ABHD2: variants seen among roughly 807,000 people sequenced by gnomAD.
The protein encoded by ABHD2 is monoacylglycerol lipase ABHD2.
In ABHD2, 20 loss-of-function variants were observed where a neutral mutation model predicts 48.1. The ratio of observed to expected loss-of-function variants is 0.42; its 90% CI spans 0.29 to 0.60. The LOEUF is 0.60. ABHD2 is among the 20% of genes least tolerant of loss of function. The probability of loss-of-function intolerance (pLI) is 0.24; values close to 1 mark genes in which losing one functional copy is unlikely to be tolerated. For synonymous variants in ABHD2, 209 were observed against 214.2 expected, an observed-to-expected ratio of 0.98 and a Z score of 0.21; for missense variants, 405 against 550.9, an observed-to-expected ratio of 0.74 and a Z score of 2.65.
intron 3 of ABHD2, among the ~76,000 whole-genome samples, chr15:89,150,920 T>C (rs572989989): frequency 6.6e-6 from 1 of 152,336 alleles, no homozygotes; most frequent in East Asian, 1.9e-4. Flanking sequence ...CATTTCTTAG[T>C]TGTAACTTGG....
chr15:89,159,464 C>G (rs1323283804), intron 5 of ABHD2, among the ~76,000 whole-genome samples: 1 of 152,180 alleles, frequency 6.6e-6, no homozygotes, highest in Non-Finnish European at 1.5e-5. Context: ...AGAAACCAGC[C>G]TCGATCTATG....
At chr15:89,080,774 A>G in the ABHD2 span, among the ~76,000 whole-genome samples, 1 of 150,480 alleles carries the variant, frequency 6.6e-6, no homozygotes, top group Non-Finnish European at 1.5e-5. Flanking sequence ...AACTCATTGC[A>G]GCCTCTCACT....
At chr15:89,172,843 G>A (rs1352498253) in intron 5 of ABHD2, among the ~76,000 whole-genome samples, 1 of 152,224 alleles carries the variant, frequency 6.6e-6, no homozygotes, top group Non-Finnish European at 1.5e-5. Flanking sequence ...TGTCTGGGCT[G>A]TTTGTTGAAA....
the ABHD2 span, among the ~76,000 whole-genome samples, chr15:89,054,561 G>C: frequency 2.0e-5 from 3 of 152,050 alleles, no homozygotes; most frequent in East Asian, 5.8e-4. Flanking sequence ...CACGCCTGTA[G>C]TCCCAGCTAC....
chr15:89,136,316 G>T, intron 3 of ABHD2: 2 of 466,598 alleles, frequency 4.3e-6, no homozygotes, highest in Non-Finnish European at 4.2e-6. Flanking sequence ...CCATATCTTC[G>T]AATTTTCCTT....
At chr15:89,131,134 A>G (rs566316418) in intron 3 of ABHD2, among the ~76,000 whole-genome samples, 13 of 152,172 alleles carry the variant, frequency 8.5e-5, no homozygotes, top group African/African-American at 2.9e-4. Flanking sequence ...CTAAAGCACA[A>G]ATTCATCATG....
rs543591748 is a variant in ABHD2, at chr15:89,149,028, T to G, written c.195-2649T>G. Among the ~76,000 whole-genome samples, 4 of 152,316 alleles carry G rather than the reference T, an allele frequency of 2.6e-5. No individual in the cohort carries two copies. In the South Asian group the frequency reaches 6.2e-4, roughly 24 times the overall value. On this transcript the variant is annotated intron_variant, in intron 3 of 10. Coordinates refer to ENST00000352732, the MANE Select transcript of ABHD2 (RefSeq NM_152924.5). The stretch of plus-strand genomic sequence containing the variant: ...AACAACTACACATTGAACCCCACCA[T>G]AGTAAATGCAGTCTAAAAATTCAAT...
chr15:89,116,360 A>G lies in ABHD2; in HGVS notation c.33A>G (p.Pro11=). The G allele has an allele frequency of 6.2e-7, 1 of 1,614,184 alleles. No homozygotes were observed. The highest frequency in any genetic ancestry group is 8.5e-7 in the Non-Finnish European group (1 of 1,180,004). ...CCATGCTGGAGACTCCCGAACTCCC[A>G]GCCGTGTTTGATGGAGTGAAGCTGG... MNAMLETPEL[P]AVFDGVKLAA... is the part of the protein sequence containing the mutation. Residue 11 remains proline (P), a synonymous_variant, in exon 3 of 11, where the codon CCA becomes CCG. Coordinates refer to ENST00000352732, the MANE Select transcript of ABHD2 (RefSeq NM_152924.5). The surrounding 1 kb of genome is among the most constrained non-coding windows in gnomAD (Gnocchi z 4.6).
At position 89,189,907 on chromosome 15, in the gene ABHD2, G is replaced by T. The variant is rs1322473249; in HGVS notation, c.927-1173G>T. 6.6e-6 allele frequency among the ~76,000 whole-genome samples: 1 copy of T among 152,108 alleles called. No homozygotes were observed. Among genetic ancestry groups the T allele is most frequent in the Non-Finnish European group, 1.5e-5 (1 of 68,014 alleles). On this transcript the variant is annotated intron_variant, in intron 8 of 10. Transcript: ENST00000352732. This position sits in a 1 kb window ranked among gnomAD's most constrained non-coding sequence, Gnocchi z 4.9. Reference sequence around the variant, plus strand: ...TAGCGTTGGAAAATAGCAGTTTTATGATCATAACCAGTCTTGGTGGCTTCC... The same window carrying T: ...TAGCGTTGGAAAATAGCAGTTTTATTATCATAACCAGTCTTGGTGGCTTCC...
chr15:89,193,256 G>T lies in ABHD2; in HGVS notation c.1018G>T (p.Val340Phe). 1 of 1,614,172 alleles carries T rather than the reference G, an allele frequency of 6.2e-7. No individual in the cohort carries two copies. Among genetic ancestry groups the T allele is most frequent in the Non-Finnish European group, 8.5e-7 (1 of 1,180,030 alleles). Residue 340 changes from valine to phenylalanine, a missense_variant, in exon 10 of 11, where the codon GTT becomes TTT. Physicochemically the swap from Val to Phe is conservative, Grantham distance 50. Coordinates refer to ENST00000352732, the MANE Select transcript of ABHD2 (RefSeq NM_152924.5). The stretch of plus-strand genomic sequence containing the variant: ...GCAGATTTATGTTCCTCTCATGCTG[G>T]TTAATGCAGCTGACGATCCGTTGGT... Reference protein sequence around the residue: ...LHRIYVPLMLVNAADDPLVHE... With the variant: ...LHRIYVPLMLFNAADDPLVHE...
chr15:89,136,966 G>A (rs762948868), intron 3 of ABHD2, among the ~76,000 whole-genome samples: 23 of 152,312 alleles, frequency 1.5e-4, no homozygotes, highest in South Asian at 2.1e-4. Flanking sequence ...TGTTCTGAGC[G>A]TCAGCGTACA....
intron 3 of ABHD2, among the ~76,000 whole-genome samples, chr15:89,142,829 G>A (rs892009232): frequency 8.5e-5 from 13 of 152,064 alleles, no homozygotes; most frequent in South Asian, 4.2e-4. Context: ...ATGCAGGAAC[G>A]GAATACCAGT....
At position 89,137,198 on chromosome 15, in the gene ABHD2, C is replaced by G. The variant is rs2050329221; in HGVS notation, c.195-14479C>G. ...TGCCTCCCTACTTAAAGCATGGTGT[C>G]AAAACCAGGTTGAAATGCAACGTGA... On this transcript the variant is annotated intron_variant, in intron 3 of 10. Transcript: ENST00000352732. This position sits in a 1 kb window ranked among gnomAD's most constrained non-coding sequence, Gnocchi z 4.8. Among the ~76,000 whole-genome samples the G allele has an allele frequency of 6.6e-6, 1 of 152,088 alleles. No homozygotes were observed. Among genetic ancestry groups the G allele is most frequent in the Non-Finnish European group, 1.5e-5 (1 of 68,004 alleles).
chr15:89,080,985 T>G, the ABHD2 span, among the ~76,000 whole-genome samples: 1 of 130,082 alleles, frequency 7.7e-6, no homozygotes, highest in Non-Finnish European at 1.6e-5. Context: ...GTGTCAGAAT[T>G]GTCAGAATTT....
Position 89,194,779 on chromosome 15 carries a change from T to G in ABHD2, c.1082-448T>G, listed in dbSNP as rs191408232. Among the ~76,000 whole-genome samples the G allele has an allele frequency of 2.0e-5, 3 of 152,310 alleles. No individual in the cohort carries two copies. The East Asian group carries it at 5.8e-4, about 29-fold the overall frequency. ...TTTAATAAGATATCCTAAGTGATTT[T>G]GATGCACAAAGTTAGGAAACACATT... On this transcript the variant is annotated intron_variant, in intron 10 of 10. Coordinates refer to ENST00000352732, the MANE Select transcript of ABHD2 (RefSeq NM_152924.5).
chr15:89,175,505 C>T lies in ABHD2; in HGVS notation c.539-307C>T, dbSNP rs1467179170. 6.6e-6 allele frequency among the ~76,000 whole-genome samples: 1 copy of T among 152,156 alleles called. No individual in the cohort carries two copies. The highest frequency in any genetic ancestry group is 1.5e-5 in the Non-Finnish European group (1 of 68,036). ...TTTGATATCCATGATTATCTAGACA[C>T]GGTTCTTGTGACCTACCTTTTAAGA... On this transcript the variant is annotated intron_variant, in intron 5 of 10. Coordinates refer to ENST00000352732, the MANE Select transcript of ABHD2 (RefSeq NM_152924.5). The surrounding 1 kb of genome is among the most constrained non-coding windows in gnomAD (Gnocchi z 5.7).
chr15:89,178,361 C>T (rs1296411924), intron 6 of ABHD2, among the ~76,000 whole-genome samples: 3 of 152,174 alleles, frequency 2.0e-5, no homozygotes, highest in Admixed American at 6.5e-5. Context: ...GGCTTGAGGG[C>T]GATGAGCCTT....
chr15:89,080,974 T>C, the ABHD2 span, among the ~76,000 whole-genome samples: 1 of 147,762 alleles, frequency 6.8e-6, no homozygotes, highest in Non-Finnish European at 1.5e-5. Flanking sequence ...TATTGCAGCA[T>C]GTGTCAGAAT....
chr15:89,087,690 C>G (rs923654221), upstream of ABHD2: 2 of 152,282 alleles, frequency 1.3e-5, no homozygotes, highest in African/African-American at 4.8e-5. This position sits in a 1 kb window ranked among gnomAD's most constrained non-coding sequence, Gnocchi z 5.5. Flanking sequence ...GCCCACACAA[C>G]CGGTAGGAGC....
Sources: allele counts gnomAD v4.1 joint callset (sites outside exome capture counted in the v4.1 genomes callset), GRCh38; gene constraint gnomAD v4.1.1; non-coding constraint Gnocchi (gnomAD v3.1); transcripts MANE v1.5; gene names NCBI Gene and HGNC (gene_info 2026-07-23, HGNC 2026-07-21).